The following SYCE1L variants were observed in gnomAD, a reference collection of about 807,000 sequenced individuals.
SYCE1L encodes synaptonemal complex central element protein 1 like.
In SYCE1L, 51 loss-of-function variants were observed where a neutral mutation model predicts 39.6. The ratio of observed to expected loss-of-function variants is 1.29; its 90% CI spans 1.03 to 1.63. The LOEUF is 1.63. Ranked by LOEUF, SYCE1L falls within the 40% of genes most tolerant of loss-of-function variation. SYCE1L has a pLI of 0.00. For missense variants in SYCE1L, 426 were observed against 304.9 expected (o/e 1.40, Z -2.96); for synonymous variants, 147 against 122.4 (o/e 1.20, Z -1.33).
intron 5 of SYCE1L, 61 bp from the exon 6 acceptor site, chr16:77,209,356 C>G (rs1188827949): frequency 1.3e-6 from 2 of 1,537,454 alleles, no homozygotes; most frequent in African/African-American, 2.8e-5. Context: ...GGCCTATTAC[C>G]TCTGGCCAAC....
chr16:77,202,397 G>A (rs2054752230), intron 1 of SYCE1L: 1 of 152,192 alleles, frequency 6.6e-6, no homozygotes, highest in African/African-American at 2.4e-5. Context: ...GTTTAAAAGG[G>A]TGCTCTTACT....
intron 6 of SYCE1L, 22 bp downstream of exon 6, chr16:77,209,493 C>A: frequency 6.4e-7 from 1 of 1,551,614 alleles, no homozygotes; most frequent in Non-Finnish European, 8.7e-7. Context: ...TGCCTCAGCT[C>A]TTCCCTACCT....
intron 6 of SYCE1L, among the ~76,000 whole-genome samples, chr16:77,210,743 A>G (rs2054816666): frequency 6.6e-6 from 1 of 152,160 alleles, no homozygotes; most frequent in African/African-American, 2.4e-5. Flanking sequence ...TGGACAGGGT[A>G]ATGTTCTCAA....
chr16:77,205,661 G>T (rs2054781265), intron 1 of SYCE1L, among the ~76,000 whole-genome samples: 1 of 152,008 alleles, frequency 6.6e-6, no homozygotes, highest in African/African-American at 2.4e-5. Context: ...CACATCCCCA[G>T]TGGTGTCATT....
intron 1 of SYCE1L, 121 bp downstream of exon 1, chr16:77,199,633 C>A (rs2054708892): frequency 1.0e-5 from 9 of 887,270 alleles, no homozygotes; most frequent in South Asian, 1.8e-5. Context: ...AATGTTAAGC[C>A]TTTTGTTATT....
chr16:77,205,418 A>C (rs2054779000), intron 1 of SYCE1L, among the ~76,000 whole-genome samples: 1 of 146,532 alleles, frequency 6.8e-6, no homozygotes, highest in Non-Finnish European at 1.5e-5. Flanking sequence ...TCATGTTAAA[A>C]TATACATAGA....
intron 4 of SYCE1L, 23 bp downstream of exon 4, chr16:77,208,562 C>A (rs778181242): frequency 6.4e-7 from 1 of 1,550,402 alleles, no homozygotes; most frequent in Non-Finnish European, 8.7e-7. Context: ...AAAAGAGGGA[C>A]CCATCAACAC....
At position 77,212,584 on chromosome 16, in the gene SYCE1L, G is replaced by A. The variant is rs1240470881; in HGVS notation, c.592G>A (p.Glu198Lys). ...GCCCCTTCTCCGCAGGCTGAAGGCG[G>A]AGCTGGAGATATTCGGGGAGCAGGT... ...AMAVNDGLKA[E>K]LEIFGEQVRS... The change falls in exon 10 of 11, where the codon GAG becomes AAG. Residue 198 changes from glutamate (E) to lysine (K), a missense_variant. By Grantham distance (56) the Glu-to-Lys change is moderately conservative. Coordinates refer to ENST00000378644, the MANE Select transcript of SYCE1L (RefSeq NM_001129979.3). 2.0e-5 allele frequency: 30 copies of A among 1,536,486 alleles called. No homozygotes were observed. Among genetic ancestry groups the A allele is most frequent in the Non-Finnish European group, 2.5e-5 (29 of 1,146,574 alleles).
intron 1 of SYCE1L, among the ~76,000 whole-genome samples, chr16:77,203,664 G>C (rs917175715): frequency 1.4e-5 from 2 of 139,774 alleles, no homozygotes; most frequent in South Asian, 4.5e-4. Context: ...GTGCCATCTC[G>C]GCTCACCGCA....
chr16:77,209,263 A>C, intron 5 of SYCE1L, 119 bp downstream of exon 5: 1 of 1,354,416 alleles, frequency 7.4e-7, no homozygotes, highest in Non-Finnish European at 1.0e-6. Flanking sequence ...CCCTCTCTGC[A>C]CAGATCTCTT....
chr16:77,206,522 G>T, intron 2 of SYCE1L, 22 bp downstream of exon 2: 3 of 1,551,456 alleles, frequency 1.9e-6, no homozygotes, highest in Non-Finnish European at 2.6e-6. Flanking sequence ...CTTTGTTTCT[G>T]AGCCTCAGCC....
intron 9 of SYCE1L, 35 bp from the exon 10 acceptor site, chr16:77,212,539 C>G (rs1219379801): frequency 6.5e-7 from 1 of 1,537,328 alleles, no homozygotes. Flanking sequence ...GACTCTCGCT[C>G]TCTTCCTCCT....
chr16:77,212,388 A>T lies in SYCE1L; in HGVS notation c.581+19A>T. On this transcript the variant is annotated intron_variant, in intron 9 of 10. Coordinates refer to ENST00000378644, the MANE Select transcript of SYCE1L (RefSeq NM_001129979.3). The stretch of plus-strand genomic sequence containing the variant: ...ATGACGGGTGAGAGGGGAAGGGAGG[A>T]GTGGGCGAGGAGGGCAGGGGCAGGG... The T allele has an allele frequency of 6.6e-7, 1 of 1,524,448 alleles. No homozygotes were observed. Among genetic ancestry groups the T allele is most frequent in the South Asian group, 1.2e-5 (1 of 82,004 alleles). 94.4% of individuals were successfully genotyped at this position (1,524,448 alleles called of 1,614,324 possible).
Position 77,209,285 on chromosome 16 carries a change from A to C in SYCE1L, c.305-132A>C. The C allele has an allele frequency of 2.2e-6, 3 of 1,335,570 alleles. No individual in the cohort carries two copies. The South Asian group carries it at 3.8e-5, about 17-fold the overall frequency. The allele number at this position is 1,335,570 out of a possible 1,614,324, so 82.7% of individuals were successfully genotyped here. ...TGCACAGATCTCTTCCTGGATTGCT[A>C]CATCACTTGGAGTAAACACCCAAGT... On this transcript the variant is annotated intron_variant, in intron 5 of 10. Transcript: ENST00000378644.
intron 7 of SYCE1L, among the ~76,000 whole-genome samples, chr16:77,211,893 G>A (rs1325920724): frequency 6.6e-6 from 1 of 152,162 alleles, no homozygotes; most frequent in Non-Finnish European, 1.5e-5. Flanking sequence ...GGGGAATGGA[G>A]GATGAGGAGA....
chr16:77,203,062 G>A (rs974344643), intron 1 of SYCE1L, among the ~76,000 whole-genome samples: 1 of 152,158 alleles, frequency 6.6e-6, no homozygotes, highest in Non-Finnish European at 1.5e-5. Context: ...GATTGTATCA[G>A]GGGAAGCAGT....
At chr16:77,208,802 T>C (rs1229402648) in intron 4 of SYCE1L, among the ~76,000 whole-genome samples, 1 of 152,250 alleles carries the variant, frequency 6.6e-6, no homozygotes, top group Non-Finnish European at 1.5e-5. Flanking sequence ...TAAGAGCCTT[T>C]ATGTCCACCT....
intron 3 of SYCE1L, 46 bp downstream of exon 3, chr16:77,208,315 G>C (rs543362090): frequency 5.2e-5 from 80 of 1,548,238 alleles, no homozygotes; most frequent in Non-Finnish European, 6.9e-5. Context: ...AGCAGGAAGT[G>C]ACTGGATTTA....
Position 77,212,930 on chromosome 16 carries a change from A to AG in SYCE1L, c.*1dup. ...EPPVAAPDAL[*] is the part of the protein sequence containing the mutation. ...CCGGTGGCTGCCCCTGACGCCCTCT[A>AG]GGCCAGCAGGACCCGCCCGTTCCCG... Residue 243 remains the stop codon, a frameshift_variant and stop_retained_variant, in exon 11 of 11, where the codon TAG becomes TAGG. Coordinates refer to ENST00000378644, the MANE Select transcript of SYCE1L (RefSeq NM_001129979.3). LOFTEE classifies it high-confidence loss of function. 6.6e-7 allele frequency: 1 copy of AG among 1,519,380 alleles called. No homozygotes were observed. The highest frequency in any genetic ancestry group is 8.8e-7 in the Non-Finnish European group (1 of 1,134,214). 94.1% of individuals were successfully genotyped at this position (1,519,380 alleles called of 1,614,324 possible).
Sources: allele counts gnomAD v4.1 joint callset (sites outside exome capture counted in the v4.1 genomes callset), GRCh38; gene constraint gnomAD v4.1.1; transcripts MANE v1.5; gene names NCBI Gene and HGNC (gene_info 2026-07-23, HGNC 2026-07-21).